The following DOCK8 variants were observed in gnomAD, a reference collection of about 807,000 sequenced individuals.
DOCK8 encodes dedicator of cytokinesis 8, also known as dedicator of cytokinesis protein 8.
Under a neutral mutation model 245.6 loss-of-function variants are expected in DOCK8, and 141 were observed. That is an observed-to-expected ratio of 0.57 (90% CI 0.50 to 0.66). DOCK8 has a LOEUF of 0.66. Among genes scored for constraint, DOCK8 ranks in the 30% least tolerant of loss-of-function variants. DOCK8 has a pLI of 0.00. For synonymous variants in DOCK8, 1,168 were observed against 970.2 expected (o/e 1.20, Z -3.79); for missense variants, 2,965 against 2,603.4 (o/e 1.14, Z -3.02).
At chr9:460,213 C>T (rs771682281) in intron 46 of DOCK8, 24 of 152,274 alleles carry the variant, frequency 1.6e-4, no homozygotes, top group Non-Finnish European at 2.9e-4. Flanking sequence ...TTGTTTCAAC[C>T]GCAGTTGTCT....
intron 26 of DOCK8, 124 bp from the exon 27 acceptor site, chr9:404,794 C>T: frequency 1.0e-6 from 1 of 978,430 alleles, no homozygotes; most frequent in Non-Finnish European, 1.6e-6. Context: ...GTTGCACTAT[C>T]CCATTAGTTT....
chr9:249,908 G>A (rs189398253), intron 1 of DOCK8, among the ~76,000 whole-genome samples: 17 of 152,142 alleles, frequency 1.1e-4, no homozygotes, highest in African/African-American at 3.9e-4. Context: ...GATTACAGGC[G>A]TGAACTGCTG....
At position 399,274 on chromosome 9, in the gene DOCK8, C is replaced by G. The variant is rs79462548; in HGVS notation, c.3234+15C>G. ...ATTGCAGCCAGGTGAGTGTCCCCCCCACCCCCACCCCCGAGCGAGCCACTT... is the reference window on the plus strand; with the variant it reads ...ATTGCAGCCAGGTGAGTGTCCCCCCGACCCCCACCCCCGAGCGAGCCACTT... On this transcript the variant is annotated intron_variant, in intron 26 of 47. Transcript: ENST00000432829. 1.2e-5 allele frequency: 17 copies of G among 1,458,598 alleles called. No homozygotes were observed. The East Asian group carries it at 1.8e-4, about 16-fold the overall frequency. The allele number at this position is 1,458,598 out of a possible 1,614,324, so 90.4% of individuals were successfully genotyped here.
rs772496548 is a variant in DOCK8, at chr9:377,130, C to T, written c.2359C>T (p.Pro787Ser). 1 of 1,609,374 alleles carries T rather than the reference C, an allele frequency of 6.2e-7. No homozygotes were observed. The highest frequency in any genetic ancestry group is 1.7e-5 in the Admixed American group (1 of 60,006). Reference sequence around the variant, plus strand: ...CTGCCTGAACTCCTCCCGCCTGGAGCCGCTCGTGCTCTTCCTGCACCTGGT... The same window carrying T: ...CTGCCTGAACTCCTCCCGCCTGGAGTCGCTCGTGCTCTTCCTGCACCTGGT... ...IICLNSSRLEPLVLFLHLVLD... is the reference protein window; with the variant it reads ...IICLNSSRLESLVLFLHLVLD... Residue 787 changes from proline to serine, a missense_variant, in exon 20 of 48, where the codon CCG becomes TCG. Physicochemically the swap from Pro to Ser is moderately conservative, Grantham distance 74 (BLOSUM62 -1). Around this residue, in one of 3 missense-constraint regions of DOCK8, gnomAD observed 2,825 missense variants for 2,453.5 expected, o/e 1.15. Coordinates refer to ENST00000432829, the MANE Select transcript of DOCK8 (RefSeq NM_203447.4).
intron 33 of DOCK8, among the ~76,000 whole-genome samples, chr9:422,347 G>A (rs1214041194): frequency 6.6e-6 from 1 of 152,180 alleles, no homozygotes; most frequent in Non-Finnish European, 1.5e-5. Flanking sequence ...ACATTGATAA[G>A]CATGTAAAGA....
intron 7 of DOCK8, among the ~76,000 whole-genome samples, chr9:318,359 C>G (rs555805870): frequency 8.5e-5 from 13 of 152,222 alleles, no homozygotes; most frequent in Non-Finnish European, 1.6e-4. Flanking sequence ...GAGAAGGCAT[C>G]TGGATTCTGG....
chr9:305,312 T>C (rs533938519), intron 5 of DOCK8, among the ~76,000 whole-genome samples: 1 of 151,992 alleles, frequency 6.6e-6, no homozygotes, highest in South Asian at 2.1e-4. Flanking sequence ...AGACAGAGTC[T>C]CGCTCTGTCG....
Position 400,126 on chromosome 9 carries a change from TTCACCATCACCACCACC to T in DOCK8, c.3234+870_3234+886del, listed in dbSNP as rs1564012338. ...CACCACCTCCACCACCACCAGCATC[TTCACCATCACCACCACC>T]TCCACCATCACCACCACCACCACCT... is the stretch of plus-strand genomic sequence containing the variant. On this transcript the variant is annotated intron_variant, in intron 26 of 47. Coordinates refer to ENST00000432829, the MANE Select transcript of DOCK8 (RefSeq NM_203447.4). 2.3e-3 allele frequency among the ~76,000 whole-genome samples: 111 copies of T among 48,164 alleles called. 1 individual carries two copies. Among genetic ancestry groups the T allele is most frequent in the African/African-American group, 0.018 (102 of 5,716 alleles). 31.6% of individuals were successfully genotyped at this position (48,164 alleles called of 152,430 possible).
At chr9:231,333 T>C (rs540734571) in intron 1 of DOCK8, among the ~76,000 whole-genome samples, 69 of 152,054 alleles carry the variant, frequency 4.5e-4, no homozygotes, top group Non-Finnish European at 8.1e-4. Flanking sequence ...AGTCAGGTAG[T>C]GTGATGCCTC....
Position 267,469 on chromosome 9 carries a change from G to A in DOCK8, c.54-4158G>A, listed in dbSNP as rs189315077. ...GATCCACCTGCTTTGGCCTCCCAAA[G>A]TGCTGGGATTACAGGCATGAGCCAC... On this transcript the variant is annotated intron_variant, in intron 1 of 47. Coordinates refer to ENST00000432829, the MANE Select transcript of DOCK8 (RefSeq NM_203447.4). Among the ~76,000 whole-genome samples, 45 of 152,364 alleles carry A rather than the reference G, an allele frequency of 3.0e-4. 1 individual carries two copies. Among genetic ancestry groups the A allele is most frequent in the South Asian group, 1.7e-3 (8 of 4,834 alleles).
At chr9:298,061 TACAATAGCCAAAGA>T (rs1439179121) in intron 4 of DOCK8, among the ~76,000 whole-genome samples, 3 of 152,226 alleles carry the variant, frequency 2.0e-5, no homozygotes, top group Admixed American at 1.3e-4. Context: ...ATCATTTGTG[TACAATAGCCAAAGA>T]ACAATAGCCA....
intron 1 of DOCK8, chr9:215,420 A>G (rs1297719344): frequency 2.0e-6 from 3 of 1,518,792 alleles, no homozygotes; most frequent in East Asian, 5.2e-5. Context: ...CTTTGAGGCA[A>G]GTCTGAGCGC....
chr9:400,046 C>T lies in DOCK8; in HGVS notation c.3234+787C>T, dbSNP rs1297406438. 7.2e-4 allele frequency among the ~76,000 whole-genome samples: 90 copies of T among 125,706 alleles called. 1 individual carries two copies. Among genetic ancestry groups the T allele is most frequent in the Middle Eastern group, 3.7e-3 (1 of 270 alleles). 82.5% of individuals were successfully genotyped at this position (125,706 alleles called of 152,430 possible). A position where few individuals can be genotyped will look rare whatever the true frequency, so the allele number is the denominator to read the frequency against. Reference sequence around the variant, plus strand: ...ACCTCCACCATCACCACCACCACCTCCACCATCACCACCTCCTTCACCATC... The same window carrying T: ...ACCTCCACCATCACCACCACCACCTTCACCATCACCACCTCCTTCACCATC... On this transcript the variant is annotated intron_variant, in intron 26 of 47. Transcript: ENST00000432829.
chr9:363,871 T>C (rs1402524255), intron 14 of DOCK8, among the ~76,000 whole-genome samples: 1 of 152,182 alleles, frequency 6.6e-6, no homozygotes, highest in Non-Finnish European at 1.5e-5. Flanking sequence ...TGCCCCTGTA[T>C]TGGAGTGTAA....
intron 1 of DOCK8, among the ~76,000 whole-genome samples, chr9:252,321 G>A (rs961090524): frequency 2.6e-5 from 4 of 151,950 alleles, no homozygotes; most frequent in Admixed American, 1.3e-4. Context: ...GAGTCTCTCT[G>A]TGTGTCTGTG....
In DOCK8 at chr9:396,953, T is replaced by C. The variant is rs1330689874; in HGVS notation, c.3120+19T>C. 1.2e-6 allele frequency: 2 copies of C among 1,611,422 alleles called. No individual in the cohort carries two copies. Among genetic ancestry groups the C allele is most frequent in the East Asian group, 2.2e-5 (1 of 44,890 alleles). ...ACAGAAGGTAACTGTATTTTACTCTTTATTTTCTAAATTGTTTACCTGGAA... is the reference window on the plus strand; with the variant it reads ...ACAGAAGGTAACTGTATTTTACTCTCTATTTTCTAAATTGTTTACCTGGAA... On this transcript the variant is annotated intron_variant, in intron 25 of 47. Coordinates refer to ENST00000432829, the MANE Select transcript of DOCK8 (RefSeq NM_203447.4).
intron 1 of DOCK8, among the ~76,000 whole-genome samples, chr9:263,075 C>G (rs1356556908): frequency 6.6e-6 from 1 of 152,062 alleles, no homozygotes; most frequent in East Asian, 1.9e-4. Flanking sequence ...GGCGTGGTGG[C>G]AGGTGCCTGT....
chr9:243,903 C>T (rs560624534), intron 1 of DOCK8, among the ~76,000 whole-genome samples: 18 of 152,034 alleles, frequency 1.2e-4, no homozygotes, highest in African/African-American at 3.9e-4. Flanking sequence ...TGTCAGCTCT[C>T]GCCGGGCGCG....
intron 37 of DOCK8, among the ~76,000 whole-genome samples, chr9:433,334 C>G (rs1395678236): frequency 6.6e-6 from 1 of 152,202 alleles, no homozygotes; most frequent in East Asian, 1.9e-4. Flanking sequence ...GGCTGAGTTA[C>G]CTGCCAGGGT....
Sources: allele counts gnomAD v4.1 joint callset (sites outside exome capture counted in the v4.1 genomes callset), GRCh38; gene constraint gnomAD v4.1.1; regional missense constraint gnomAD v4.1.1; transcripts MANE v1.5; gene names NCBI Gene and HGNC (gene_info 2026-07-23, HGNC 2026-07-21).